The following POT1 variants were observed in gnomAD, a reference collection of about 807,000 sequenced individuals.
The protein encoded by POT1 is protection of telomeres 1.
POT1 carries 47 observed loss-of-function variants against 78.5 expected under a neutral mutation model. The ratio of observed to expected loss-of-function variants is 0.60; its 90% CI spans 0.47 to 0.76. The LOEUF is 0.76. POT1 is among the 30% of genes least tolerant of loss of function. POT1 has a pLI of 0.00. For missense variants in POT1, 646 were observed against 749.9 expected, an observed-to-expected ratio of 0.86 and a Z score of 1.62; for synonymous variants, 259 against 260.7, an observed-to-expected ratio of 0.99 and a Z score of 0.06.
chr7:124,914,473 A>G (rs1245616687), intron 3 of POT1, among the ~76,000 whole-genome samples: 2 of 152,154 alleles, frequency 1.3e-5, no homozygotes, highest in Admixed American at 1.3e-4. Flanking sequence ...AGTTTCTGCT[A>G]TGTACAAGGC....
chr7:124,912,602 T>G (rs1164652486), intron 3 of POT1, among the ~76,000 whole-genome samples: 1 of 152,134 alleles, frequency 6.6e-6, no homozygotes, highest in Admixed American at 6.6e-5. Flanking sequence ...TTGTCTTTCT[T>G]CCCTAGAACG....
intron 3 of POT1, among the ~76,000 whole-genome samples, chr7:124,905,720 T>G (rs1187483109): frequency 2.6e-5 from 4 of 152,150 alleles, no homozygotes; most frequent in African/African-American, 9.7e-5. Context: ...TGGGAGAATA[T>G]TTTTGCAATC....
intron 15 of POT1, among the ~76,000 whole-genome samples, chr7:124,830,661 T>G (rs1007910934): frequency 1.3e-5 from 2 of 151,954 alleles, no homozygotes; most frequent in African/African-American, 4.8e-5. Context: ...ACTAAATATA[T>G]CAATAACTTA....
At chr7:124,884,963 C>CTAGGAAAAT (rs139628105) in intron 6 of POT1, among the ~76,000 whole-genome samples, 6,873 of 152,092 alleles carry the variant, frequency 0.045, 386 homozygotes, top group African/African-American at 0.13. Flanking sequence ...TATGTGTTAT[C>CTAGGAAAAT]TAGGAAAATA....
rs897723434 is a variant in POT1 at position 124,915,263 on chromosome 7, A to C, written c.-154+311T>G. ...TAAGTGTTACAAAGTAGCCCTTCCT[A>C]GCTTACCATGATTACTTGAGGGCTA... On this transcript the variant is annotated intron_variant, in intron 3 of 18. Coordinates refer to ENST00000357628, the MANE Select transcript of POT1 (RefSeq NM_015450.3). 5.3e-5 allele frequency among the ~76,000 whole-genome samples: 8 copies of C among 152,310 alleles called. No individual in the cohort carries two copies. In the East Asian group the frequency reaches 1.5e-3, roughly 29 times the overall value.
chr7:124,915,108 C>T (rs569599437), intron 3 of POT1, among the ~76,000 whole-genome samples: 1 of 152,206 alleles, frequency 6.6e-6, no homozygotes, highest in Admixed American at 6.5e-5. Context: ...CTTATAACCC[C>T]AGTACCTAGA....
intron 11 of POT1, among the ~76,000 whole-genome samples, chr7:124,850,819 T>G (rs1795288812): frequency 1.3e-5 from 2 of 151,868 alleles, no homozygotes; most frequent in South Asian, 2.1e-4. Context: ...GAAATGTGTG[T>G]TAATTTTCAT....
intron 13 of POT1, among the ~76,000 whole-genome samples, chr7:124,841,745 A>G (rs1199311938): frequency 6.6e-6 from 1 of 151,990 alleles, no homozygotes; most frequent in African/African-American, 2.4e-5. Flanking sequence ...AACTTTAGAC[A>G]GTTTCCGTTA....
intron 2 of POT1, among the ~76,000 whole-genome samples, chr7:124,920,541 T>G (rs1401013037): frequency 1.3e-5 from 2 of 152,126 alleles, no homozygotes; most frequent in Admixed American, 6.6e-5. Context: ...AAAAACAGAA[T>G]GTAGCACTAA....
intron 7 of POT1, among the ~76,000 whole-genome samples, chr7:124,868,963 A>C (rs1795799072): frequency 6.6e-6 from 1 of 152,016 alleles, no homozygotes. Context: ...TAATGAAGTT[A>C]TGACAAATTA....
chr7:124,858,383 A>T (rs1795498528), intron 9 of POT1, among the ~76,000 whole-genome samples: 1 of 152,142 alleles, frequency 6.6e-6, no homozygotes, highest in Admixed American at 6.5e-5. Context: ...ATTCCCTACA[A>T]TTTTTGTTAA....
chr7:124,863,693 T>A (rs1795655483), intron 7 of POT1, 53 bp from the exon 8 acceptor site: 2 of 1,352,830 alleles, frequency 1.5e-6, no homozygotes, highest in Non-Finnish European at 2.0e-6. Context: ...AGCTTACTGA[T>A]GCACAACCTA....
intron 15 of POT1, among the ~76,000 whole-genome samples, chr7:124,834,111 G>A (rs973009842): frequency 6.6e-6 from 1 of 152,042 alleles, no homozygotes; most frequent in Non-Finnish European, 1.5e-5. Flanking sequence ...AACTCAAGAT[G>A]GATTAAAGAC....
chr7:124,918,690 C>A (rs1483649133), intron 2 of POT1, among the ~76,000 whole-genome samples: 1 of 152,134 alleles, frequency 6.6e-6, no homozygotes, highest in Non-Finnish European at 1.5e-5. Flanking sequence ...TCCAGAGAGA[C>A]TGATGTCCCA....
chr7:124,844,007 T>C (rs1260796883), intron 12 of POT1, among the ~76,000 whole-genome samples: 1 of 152,186 alleles, frequency 6.6e-6, no homozygotes, highest in Admixed American at 6.5e-5. Context: ...GACAAATGAG[T>C]CTGCCCAAAT....
intron 8 of POT1, among the ~76,000 whole-genome samples, chr7:124,861,228 G>A (rs1397069566): frequency 6.6e-6 from 1 of 152,180 alleles, no homozygotes; most frequent in African/African-American, 2.4e-5. Context: ...CACCAACAGT[G>A]TAAAAGCGCT....
At chr7:124,888,255 C>T (rs565992147) in intron 6 of POT1, among the ~76,000 whole-genome samples, 3 of 152,126 alleles carry the variant, frequency 2.0e-5, no homozygotes, top group East Asian at 3.9e-4. Context: ...GCACCCTTGT[C>T]GAAAATCAGT....
intron 12 of POT1, among the ~76,000 whole-genome samples, chr7:124,844,998 A>G (rs1482184123): frequency 6.6e-6 from 1 of 152,168 alleles, no homozygotes; most frequent in Non-Finnish European, 1.5e-5. Flanking sequence ...CTCTCACCAC[A>G]TAAATATTAT....
At chr7:124,894,797 G>A (rs571291536) in intron 5 of POT1, among the ~76,000 whole-genome samples, 11 of 151,694 alleles carry the variant, frequency 7.3e-5, no homozygotes, top group Admixed American at 2.0e-4. Flanking sequence ...AAATGTGTTA[G>A]CGGGAGAAAT....
Sources: allele counts gnomAD v4.1 joint callset (sites outside exome capture counted in the v4.1 genomes callset), GRCh38; gene constraint gnomAD v4.1.1; transcripts MANE v1.5; gene names NCBI Gene and HGNC (gene_info 2026-07-23, HGNC 2026-07-21).